The following LPL variants were observed in gnomAD, a reference collection of about 807,000 sequenced individuals.
The protein encoded by LPL is phospholipase A1.
A neutral mutation model predicts 52.2 loss-of-function variants in LPL; 43 were observed. The ratio of observed to expected loss-of-function variants is 0.82; its 90% CI spans 0.64 to 1.06. The LOEUF (loss-of-function observed/expected upper bound fraction) is 1.06. Among genes scored for constraint, LPL ranks in the 50% least tolerant of loss-of-function variants. The pLI is 0.00. For synonymous variants in LPL, 244 were observed against 215.6 expected, an observed-to-expected ratio of 1.13 and a Z score of -1.15; for missense variants, 639 against 585.3, an observed-to-expected ratio of 1.09 and a Z score of -0.95.
In LPL at chr8:19,954,181, T is replaced by C; in HGVS notation, c.603T>C (p.Asp201=). Residue 201 remains aspartate (D), a synonymous_variant, in exon 5 of 10, where the codon GAT becomes GAC. Transcript: ENST00000650287. ...YAEAPSRLSP[D]DADFVDVLHT... ...AAGCCCCGAGTCGTCTTTCTCCTGATGATGCAGATTTTGTAGACGTCTTAC... is the reference window on the plus strand; with the variant it reads ...AAGCCCCGAGTCGTCTTTCTCCTGACGATGCAGATTTTGTAGACGTCTTAC... The C allele has an allele frequency of 1.2e-6, 2 of 1,614,204 alleles. No individual in the cohort carries two copies. Among genetic ancestry groups the C allele is most frequent in the Non-Finnish European group, 1.7e-6 (2 of 1,180,036 alleles).
At chr8:19,948,655 T>A (rs891565304) in intron 2 of LPL, among the ~76,000 whole-genome samples, 1 of 152,104 alleles carries the variant, frequency 6.6e-6, no homozygotes. Context: ...GGGGAACCGG[T>A]GGAACCCTGG....
intron 3 of LPL, among the ~76,000 whole-genome samples, chr8:19,952,899 T>C (rs537152553): frequency 2.6e-5 from 4 of 152,300 alleles, no homozygotes; most frequent in East Asian, 1.9e-4. Flanking sequence ...TACACACATA[T>C]ACATATATGC....
chr8:19,956,039 G>C lies in LPL; in HGVS notation c.974G>C (p.Ser325Thr), dbSNP rs1353632906. 6.2e-7 allele frequency: 1 copy of C among 1,614,078 alleles called. No individual in the cohort carries two copies. Among genetic ancestry groups the C allele is most frequent in the African/African-American group, 1.3e-5 (1 of 74,930 alleles). The change falls in exon 6 of 10, where the codon AGC (serine) becomes ACC (threonine). Residue 325 changes from serine (S) to threonine (T), a missense_variant. Physicochemically the swap from Ser to Thr is moderately conservative, Grantham distance 58. Transcript: ENST00000650287. ...ATCAATAAAGTCAGAGCCAAAAGAA[G>C]CAGCAAAATGTACCTGAAGACTCGT... ...YEINKVRAKR[S>T]SKMYLKTRSQ...
chr8:19,947,133 T>C (rs1327078202), intron 1 of LPL, among the ~76,000 whole-genome samples: 3 of 152,220 alleles, frequency 2.0e-5, no homozygotes, highest in Non-Finnish European at 4.4e-5. Context: ...TATCTTGCCA[T>C]AGGAGTGGGA....
chr8:19,956,886 T>C (rs1330480733), intron 6 of LPL, among the ~76,000 whole-genome samples: 2 of 152,168 alleles, frequency 1.3e-5, no homozygotes, highest in East Asian at 1.9e-4. Flanking sequence ...GAGAGGGGCA[T>C]GATCTTGGCT....
chr8:19,961,212 G>T, intron 8 of LPL, 129 bp downstream of exon 8: 1 of 402,198 alleles, frequency 2.5e-6, no homozygotes, highest in Non-Finnish European at 4.0e-6. Context: ...ACTGTATGAT[G>T]TAGATTTTCT....
At chr8:19,952,467 G>T (rs1293839338) in intron 3 of LPL, among the ~76,000 whole-genome samples, 2 of 152,160 alleles carry the variant, frequency 1.3e-5, no homozygotes, top group Non-Finnish European at 2.9e-5. Context: ...AGGGAACTGA[G>T]GTCTGGAGTT....
rs1590151791 is a variant in LPL, at chr8:19,966,731, T to A, written c.*1421T>A. The A allele has an allele frequency of 1.3e-5, 2 of 152,182 alleles. No individual in the cohort carries two copies. Among genetic ancestry groups the A allele is most frequent in the East Asian group, 3.8e-4 (2 of 5,204 alleles). 9.4% of individuals were successfully genotyped at this position (152,182 alleles called of 1,614,324 possible). A position where few individuals can be genotyped will look rare whatever the true frequency, so the allele number is the denominator to read the frequency against. ...GTCGGAGTAGAAATTGTTCCTGATGTGCCAGAACTTCGACCCTTTCTCTGA... is the reference window on the plus strand; with the variant it reads ...GTCGGAGTAGAAATTGTTCCTGATGAGCCAGAACTTCGACCCTTTCTCTGA... On this transcript the variant is annotated 3_prime_UTR_variant, in exon 10 of 10. Coordinates refer to ENST00000650287, the MANE Select transcript of LPL (RefSeq NM_000237.3).
chr8:19,956,970 T>C (rs1046605863), intron 6 of LPL, among the ~76,000 whole-genome samples: 1 of 152,134 alleles, frequency 6.6e-6, no homozygotes, highest in African/African-American at 2.4e-5. Context: ...ATAACAGGCA[T>C]GCACCATCAT....
At chr8:19,959,180 G>A (rs2070014805) in intron 6 of LPL, 80 bp from the exon 7 acceptor site, 3 of 1,573,298 alleles carry the variant, frequency 1.9e-6, no homozygotes, top group Admixed American at 1.7e-5. Flanking sequence ...ATACTTCTGT[G>A]GTTCTGAATT....
intron 6 of LPL, among the ~76,000 whole-genome samples, chr8:19,957,765 T>C (rs553386361): frequency 6.6e-6 from 1 of 152,320 alleles, no homozygotes; most frequent in African/African-American, 2.4e-5. Flanking sequence ...CTAAACAAAA[T>C]AGAGATTGTT....
At chr8:19,954,554 T>C (rs1328269447) in intron 5 of LPL, among the ~76,000 whole-genome samples, 1 of 152,192 alleles carries the variant, frequency 6.6e-6, no homozygotes, top group African/African-American at 2.4e-5. Context: ...TACTATACTG[T>C]AGGCTACACT....
chr8:19,962,429 GT>G (rs1216681370), intron 9 of LPL, among the ~76,000 whole-genome samples: 1 of 152,014 alleles, frequency 6.6e-6, no homozygotes, highest in African/African-American at 2.4e-5. Context: ...TTCTCCTCTT[GT>G]TTCTCCCAGC....
At chr8:19,953,000 CAT>C (rs1372358429) in intron 3 of LPL, among the ~76,000 whole-genome samples, 4 of 152,190 alleles carry the variant, frequency 2.6e-5, no homozygotes, top group African/African-American at 9.6e-5. Context: ...CATATACAAA[CAT>C]ATGCATATAT....
intron 1 of LPL, among the ~76,000 whole-genome samples, chr8:19,942,178 C>T (rs1331082760): frequency 6.6e-6 from 1 of 152,134 alleles, no homozygotes; most frequent in Non-Finnish European, 1.5e-5. Flanking sequence ...TTTAACTCAG[C>T]TTTCTGTTCT....
At chr8:19,955,003 T>A (rs2069971060) in intron 5 of LPL, among the ~76,000 whole-genome samples, 1 of 152,036 alleles carries the variant, frequency 6.6e-6, no homozygotes, top group South Asian at 2.1e-4. Flanking sequence ...CACGCCCAGT[T>A]TACGATTTAT....
chr8:19,953,454 G>A, intron 4 of LPL, 33 bp downstream of exon 4: 1 of 1,462,870 alleles, frequency 6.8e-7, no homozygotes, highest in African/African-American at 1.4e-5. Context: ...CTTATCATAA[G>A]AGGTGAAAAG....
intron 2 of LPL, among the ~76,000 whole-genome samples, chr8:19,949,047 A>C (rs2069909125): frequency 6.6e-6 from 1 of 152,122 alleles, no homozygotes; most frequent in Non-Finnish European, 1.5e-5. Context: ...CCCCTCTCTA[A>C]TATGTCACAC....
chr8:19,946,288 T>G (rs937352705), intron 1 of LPL, among the ~76,000 whole-genome samples: 26 of 152,198 alleles, frequency 1.7e-4, no homozygotes, highest in African/African-American at 6.3e-4. Context: ...TTCTCATAAT[T>G]AGAATCATTA....
Sources: allele counts gnomAD v4.1 joint callset (sites outside exome capture counted in the v4.1 genomes callset), GRCh38; gene constraint gnomAD v4.1.1; transcripts MANE v1.5; gene names NCBI Gene and HGNC (gene_info 2026-07-23, HGNC 2026-07-21).